The following COL6A2 variants were observed in gnomAD, a reference collection of about 807,000 sequenced individuals.
The protein encoded by COL6A2 is collagen alpha-2(VI) chain.
In COL6A2, 90 loss-of-function variants were observed where a neutral mutation model predicts 124.9. The ratio of observed to expected loss-of-function variants is 0.72; its 90% CI spans 0.61 to 0.86. The LOEUF is 0.86. Ranked by LOEUF, COL6A2 falls within the 40% of genes least tolerant of loss-of-function variation. The pLI, the probability that COL6A2 is intolerant of heterozygous loss-of-function variation, is 0.00. For synonymous variants in COL6A2, 793 were observed against 618.2 expected, an observed-to-expected ratio of 1.28 and a Z score of -4.19; for missense variants, 1,607 against 1,502.5, an observed-to-expected ratio of 1.07 and a Z score of -1.15.
chr21:46,130,702 T>A (rs1463385143), intron 27 of COL6A2, among the ~76,000 whole-genome samples: 1 of 152,198 alleles, frequency 6.6e-6, no homozygotes, highest in African/African-American at 2.4e-5. Flanking sequence ...TGTCTCCATA[T>A]GTTTGGTGAC....
chr21:46,114,190 G>T, intron 5 of COL6A2, 117 bp downstream of exon 5: 1 of 818,302 alleles, frequency 1.2e-6, no homozygotes, highest in East Asian at 2.5e-5. Context: ...ACTTTGGGAG[G>T]CCGAGGCGGG....
intron 27 of COL6A2, among the ~76,000 whole-genome samples, chr21:46,131,256 T>G (rs1467365526): frequency 6.6e-6 from 1 of 152,174 alleles, no homozygotes; most frequent in Non-Finnish European, 1.5e-5. Flanking sequence ...ACACGTGTGG[T>G]AGGCAGCCTG....
intron 21 of COL6A2, among the ~76,000 whole-genome samples, chr21:46,123,883 G>A (rs1407690209): frequency 2.7e-5 from 1 of 37,614 alleles, no homozygotes. Flanking sequence ...GGATGGATGG[G>A]TGAGTCAGTG....
intron 1 of COL6A2, among the ~76,000 whole-genome samples, chr21:46,107,094 C>G (rs970178643): frequency 6.6e-6 from 1 of 151,814 alleles, no homozygotes; most frequent in African/African-American, 2.4e-5. Flanking sequence ...TTTCATAAGT[C>G]CTGCACATTT....
Position 46,116,879 on chromosome 21 carries a change from C to T in COL6A2, c.999+65C>T, listed in dbSNP as rs939339675. 5 of 1,556,248 alleles carry T rather than the reference C, an allele frequency of 3.2e-6. No individual in the cohort carries two copies. The highest frequency in any genetic ancestry group is 2.7e-5 in the African/African-American group (2 of 73,730). On this transcript the variant is annotated intron_variant, in intron 10 of 27. Transcript: ENST00000300527. This position sits in a 1 kb window ranked among gnomAD's most constrained non-coding sequence, Gnocchi z 4.6. The stretch of plus-strand genomic sequence containing the variant: ...AGAGGCATCCCAGCCTCTGCAGGGC[C>T]CCCAGATCCAGCCTGATCTGTCAGC...
At chr21:46,130,961 T>C (rs1343913538) in intron 27 of COL6A2, among the ~76,000 whole-genome samples, 2 of 152,224 alleles carry the variant, frequency 1.3e-5, no homozygotes, top group Non-Finnish European at 2.9e-5. Context: ...CACCCTGCTG[T>C]GTTCAGAGCT....
At position 46,132,024 on chromosome 21, in the gene COL6A2, G is replaced by A. The variant is rs778424865; in HGVS notation, c.2532G>A (p.Leu844=). The A allele has an allele frequency of 1.5e-5, 24 of 1,609,324 alleles. No individual in the cohort carries two copies. In the African/African-American group the frequency reaches 2.4e-4, roughly 16 times the overall value. Residue 844 remains leucine, a synonymous_variant, in exon 28 of 28, where the codon CTG becomes CTA. Coordinates refer to ENST00000300527, the MANE Select transcript of COL6A2 (RefSeq NM_001849.4). ...TCCTGCTGGACGGCTCCGAGCGGCT[G>A]GGTGAGCAGAACTTCCACAAGGCCC... ...IVFLLDGSER[L]GEQNFHKARR...
chr21:46,103,047 C>T (rs142661438), intron 1 of COL6A2, among the ~76,000 whole-genome samples: 1 of 152,074 alleles, frequency 6.6e-6, no homozygotes, highest in South Asian at 2.1e-4. Context: ...GCCATCAGGT[C>T]CAGAGGTTGT....
At chr21:46,127,589 G>C (rs892038928) in intron 27 of COL6A2, among the ~76,000 whole-genome samples, 1 of 152,174 alleles carries the variant, frequency 6.6e-6, no homozygotes, top group African/African-American at 2.4e-5. Flanking sequence ...ATCAGCAGCA[G>C]GGGCACCTGG....
At chr21:46,107,208 T>C (rs1164439277) in intron 1 of COL6A2, among the ~76,000 whole-genome samples, 1 of 152,172 alleles carries the variant, frequency 6.6e-6, no homozygotes, top group Non-Finnish European at 1.5e-5. Flanking sequence ...TTCTTCTAAC[T>C]GATAGAAGAA....
intron 12 of COL6A2, 57 bp from the exon 13 acceptor site, chr21:46,118,557 C>A: frequency 2.5e-6 from 4 of 1,569,212 alleles, no homozygotes; most frequent in Non-Finnish European, 2.6e-6. Flanking sequence ...CAGCGGGCAT[C>A]CTGCACCCCC....
intron 21 of COL6A2, among the ~76,000 whole-genome samples, chr21:46,123,868 C>CAGATGGATAAATGGGT (rs71185195): frequency 2.5e-4 from 32 of 129,788 alleles, no homozygotes; most frequent in African/African-American, 4.2e-4. Context: ...AGTGGGTTGG[C>CAGATGGATAAATGGGT]AGATGGATGG....
At chr21:46,115,157 T>C (rs958420634) in intron 5 of COL6A2, among the ~76,000 whole-genome samples, 1 of 152,152 alleles carries the variant, frequency 6.6e-6, no homozygotes, top group African/African-American at 2.4e-5. Context: ...ACCCGTTCTG[T>C]TGGGGGGGCC....
intron 27 of COL6A2, chr21:46,129,152 G>A (rs370716326): frequency 8.1e-6 from 13 of 1,611,538 alleles, no homozygotes; most frequent in East Asian, 6.7e-5. Context: ...CTAGGCCGAC[G>A]CCCACCGCAG....
At chr21:46,129,861 G>C in intron 27 of COL6A2, 1 of 1,045,680 alleles carries the variant, frequency 9.6e-7, no homozygotes, top group Non-Finnish European at 1.2e-6. Context: ...CCAGGGTTTG[G>C]GTGTGGAAGT....
At position 46,132,439 on chromosome 21, in the gene COL6A2, G is replaced by A; in HGVS notation, c.2947G>A (p.Asp983Asn). ...VLALGSDVDMDVLTTLSLGDR... is the reference protein window; with the variant it reads ...VLALGSDVDMNVLTTLSLGDR... Reference sequence around the variant, plus strand: ...GGCCTTGGGCAGCGACGTGGACATGGACGTGCTCACCACGCTCAGCCTGGG... The same window carrying A: ...GGCCTTGGGCAGCGACGTGGACATGAACGTGCTCACCACGCTCAGCCTGGG... Residue 983 changes from aspartate to asparagine, a missense_variant, in exon 28 of 28, where the codon GAC (aspartate) becomes AAC (asparagine). By Grantham distance (23) the Asp-to-Asn change is conservative. This residue lies in a region of COL6A2 where 1,223 missense variants were observed against 1,052.2 expected (regional missense o/e 1.16). Transcript: ENST00000300527. 1 of 1,606,862 alleles carries A rather than the reference G, an allele frequency of 6.2e-7. No homozygotes were observed. Among genetic ancestry groups the A allele is most frequent in the Non-Finnish European group, 8.5e-7 (1 of 1,176,988 alleles).
intron 1 of COL6A2, among the ~76,000 whole-genome samples, chr21:46,102,682 T>C (rs1194523203): frequency 6.6e-6 from 1 of 150,398 alleles, no homozygotes; most frequent in East Asian, 1.9e-4. Context: ...TCCTTCATTC[T>C]GTTAATGTGT....
chr21:46,132,268 A>G lies in COL6A2; in HGVS notation c.2776A>G (p.Asn926Asp), dbSNP rs1220553353. 1.2e-6 allele frequency: 2 copies of G among 1,606,826 alleles called. No individual in the cohort carries two copies. Among genetic ancestry groups the G allele is most frequent in the Non-Finnish European group, 1.7e-6 (2 of 1,178,826 alleles). The change falls in exon 28 of 28, where the codon AAT becomes GAT. Residue 926 changes from asparagine to aspartate, a missense_variant. Around this residue, in one of 3 missense-constraint regions of COL6A2, gnomAD observed 1,223 missense variants for 1,052.2 expected, o/e 1.16. Coordinates refer to ENST00000300527, the MANE Select transcript of COL6A2 (RefSeq NM_001849.4). ...HVGAGVVHAINAIVRSPRGGA... is the reference protein window; with the variant it reads ...HVGAGVVHAIDAIVRSPRGGA... ...GGGCGCAGGCGTGGTGCACGCCATCAATGCCATCGTGCGCAGCCCGCGTGG... is the reference window on the plus strand; with the variant it reads ...GGGCGCAGGCGTGGTGCACGCCATCGATGCCATCGTGCGCAGCCCGCGTGG...
At chr21:46,100,752 G>C (rs1270186207) in intron 1 of COL6A2, among the ~76,000 whole-genome samples, 1 of 152,196 alleles carries the variant, frequency 6.6e-6, no homozygotes. Context: ...GTAAGGCTGA[G>C]CAGTATTCCA....
Sources: allele counts gnomAD v4.1 joint callset (sites outside exome capture counted in the v4.1 genomes callset), GRCh38; gene constraint gnomAD v4.1.1; regional missense constraint gnomAD v4.1.1; non-coding constraint Gnocchi (gnomAD v3.1); transcripts MANE v1.5; gene names NCBI Gene and HGNC (gene_info 2026-07-23, HGNC 2026-07-21).